Variants in NLRP7 observed in about 807,000 individuals in gnomAD.
The protein encoded by NLRP7 is NACHT, LRR and PYD domains-containing protein 7.
A neutral mutation model predicts 85.5 loss-of-function variants in NLRP7; 72 were observed. That is an observed-to-expected ratio of 0.84 (90% CI 0.70 to 1.02). The LOEUF is 1.02. Among genes scored for constraint, NLRP7 ranks in the 50% least tolerant of loss-of-function variants. NLRP7 has a pLI of 0.00. For missense variants in NLRP7, 1,243 were observed against 1,219.5 expected (o/e 1.02, Z -0.29); for synonymous variants, 550 against 505.2 (o/e 1.09, Z -1.19).
At chr19:54,936,914 C>CAAAAAAAAAAAAA (rs2068953903) in intron 5 of NLRP7, among the ~76,000 whole-genome samples, 1 of 142,050 alleles carries the variant, frequency 7.0e-6, no homozygotes, top group Non-Finnish European at 1.5e-5. Flanking sequence ...GACTCCATCT[C>CAAAAAAAAAAAAA]AAAAGAAAAA....
chr19:54,936,422 G>A (rs147424192), exon 6 of NLRP7: 18 of 1,613,812 alleles, frequency 1.1e-5, no homozygotes, highest in African/African-American at 6.7e-5. Flanking sequence ...CAGGGGTGAC[G>A]TTTTTAATCC....
chr19:54,939,667 G>A (rs766804689), exon 4 of NLRP7: 2 of 1,612,744 alleles, frequency 1.2e-6, no homozygotes, highest in South Asian at 1.1e-5. Context: ...GGCAGGTGGG[G>A]ACCGGGTCCT....
intron 1 of NLRP7, among the ~76,000 whole-genome samples, 157 bp downstream of exon 1, chr19:54,947,312 G>A (rs911722546): frequency 4.6e-5 from 7 of 151,482 alleles, no homozygotes; most frequent in Non-Finnish European, 1.5e-5. Flanking sequence ...GGGCGACAGA[G>A]GGAGACTCCG....
intron 1 of NLRP7, among the ~76,000 whole-genome samples, chr19:54,943,038 G>C (rs186964956): frequency 1.3e-5 from 2 of 151,806 alleles, no homozygotes; most frequent in South Asian, 2.1e-4. Flanking sequence ...TCCCAGGTAC[G>C]TGGGAGGCTG....
intron 1 of NLRP7, chr19:54,953,171 A>AGTTTTGT (rs2069726691): frequency 6.6e-6 from 1 of 152,178 alleles, no homozygotes; most frequent in South Asian, 2.1e-4. Context: ...CACAGGTAGC[A>AGTTTTGT]ATGTAGCAGG....
At chr19:54,964,278 G>A (rs1231997095) in intron 1 of NLRP7, among the ~76,000 whole-genome samples, 5 of 135,690 alleles carry the variant, frequency 3.7e-5, no homozygotes, top group African/African-American at 5.5e-5. Flanking sequence ...GTGCAGTGGC[G>A]CGATCTCGGC....
At chr19:54,964,406 CG>C (rs879526386) in intron 1 of NLRP7, among the ~76,000 whole-genome samples, 1 of 150,754 alleles carries the variant, frequency 6.6e-6, no homozygotes, top group Admixed American at 6.6e-5. Flanking sequence ...TTAGTAGAGA[CG>C]GGGTTTCACC....
intron 9 of NLRP7, 114 bp downstream of exon 9, chr19:54,930,385 C>G: frequency 1.3e-6 from 1 of 745,460 alleles, no homozygotes; most frequent in Non-Finnish European, 2.3e-6. Context: ...CCGATCAAGC[C>G]TGGAAGACCG....
upstream of NLRP7, among the ~76,000 whole-genome samples, chr19:54,949,655 G>T (rs1488462378): frequency 6.6e-6 from 1 of 152,068 alleles, no homozygotes; most frequent in East Asian, 1.9e-4. Flanking sequence ...GGCTGCCAAA[G>T]AAACCGTCAG....
exon 4 of NLRP7, chr19:54,939,526 G>A: frequency 1.2e-6 from 2 of 1,613,732 alleles, no homozygotes; most frequent in Non-Finnish European, 1.7e-6. Context: ...GGTCCTCTCG[G>A]TGGAACACGG....
intron 1 of NLRP7, among the ~76,000 whole-genome samples, chr19:54,960,251 G>A (rs954922188): frequency 1.3e-5 from 2 of 151,614 alleles, no homozygotes; most frequent in Non-Finnish European, 2.9e-5. Context: ...TGCTTCCCGG[G>A]TTCAAGCAAT....
At chr19:54,927,279 G>A (rs557457488) in intron 9 of NLRP7, among the ~76,000 whole-genome samples, 1 of 151,418 alleles carries the variant, frequency 6.6e-6, no homozygotes, top group East Asian at 2.0e-4. Flanking sequence ...TACTTGGGAG[G>A]CCAAGGTGGG....
rs1006008717 is a variant in NLRP7, at chr19:54,943,525, C to T, written c.-39-1775G>A. Reference sequence around the variant, plus strand: ...CTGAGGCAGGAGAATGGCGGGAACCCGGGAGGCGGAGCTTGCAGTGAGCGG... The same window carrying T: ...CTGAGGCAGGAGAATGGCGGGAACCTGGGAGGCGGAGCTTGCAGTGAGCGG... On this transcript the variant is annotated intron_variant, in intron 1 of 9. Transcript: ENST00000340844. 5.4e-5 allele frequency among the ~76,000 whole-genome samples: 7 copies of T among 129,666 alleles called. No homozygotes were observed. In the East Asian group the frequency reaches 8.4e-4, roughly 16 times the overall value. 85.1% of individuals were successfully genotyped at this position (129,666 alleles called of 152,430 possible). A position where few individuals can be genotyped will look rare whatever the true frequency, so the allele number is the denominator to read the frequency against.
intron 9 of NLRP7, 100 bp from the exon 10 acceptor site, chr19:54,927,875 T>C (rs928759969): frequency 5.0e-6 from 5 of 994,206 alleles, no homozygotes; most frequent in East Asian, 4.8e-5. Flanking sequence ...GTGGATCACT[T>C]GAGGCCAGGT....
chr19:54,950,513 G>A (rs905109686), upstream of NLRP7, among the ~76,000 whole-genome samples: 1 of 152,198 alleles, frequency 6.6e-6, no homozygotes, highest in Non-Finnish European at 1.5e-5. Flanking sequence ...TAGGATAATA[G>A]TGGAGGGAAG....
At chr19:54,950,089 T>TA (rs2069620295), upstream of NLRP7, among the ~76,000 whole-genome samples, 1 of 149,860 alleles carries the variant, frequency 6.7e-6, no homozygotes, top group South Asian at 2.1e-4. Context: ...GTGACGGAGT[T>TA]AGACTGTCTC....
upstream of NLRP7, among the ~76,000 whole-genome samples, chr19:54,948,200 G>A (rs1411794067): frequency 3.3e-5 from 5 of 152,088 alleles, no homozygotes; most frequent in Non-Finnish European, 4.4e-5. Flanking sequence ...ACTGGCCAAC[G>A]TGGTGAAACT....
chr19:54,945,850 C>T (rs1268245928), intron 1 of NLRP7, among the ~76,000 whole-genome samples: 1 of 151,898 alleles, frequency 6.6e-6, no homozygotes, highest in Admixed American at 6.6e-5. Context: ...AGTGCAGTGG[C>T]GCGATCTGGG....
At chr19:54,930,365 G>C (rs1383187402) in intron 9 of NLRP7, 134 bp downstream of exon 9, 12 of 681,710 alleles carry the variant, frequency 1.8e-5, no homozygotes, top group Admixed American at 1.1e-4. Context: ...AGGAGGCTGA[G>C]GTGGGAGAAC....
Sources: gnomAD v4.1 joint callset for allele counts (sites outside exome capture counted in the v4.1 genomes callset) on GRCh38, gnomAD v4.1.1 for gene constraint, MANE v1.5 for transcripts, NCBI Gene and HGNC (gene_info 2026-07-23, HGNC 2026-07-21) for gene names.